The following FCRL3 variants were observed in gnomAD, a reference collection of about 807,000 sequenced individuals.
The protein encoded by FCRL3 is Fc receptor like 3, also known as Fc receptor-like protein 3.
Under a neutral mutation model 75.0 loss-of-function variants are expected in FCRL3, and 89 were observed. The ratio of observed to expected loss-of-function variants is 1.19; its 90% confidence interval spans 1.00 to 1.42. FCRL3 has a LOEUF of 1.42. Among genes scored for constraint, FCRL3 ranks in the 40% most tolerant of loss-of-function variants. The probability of loss-of-function intolerance (pLI) is 0.00; values close to 1 mark genes in which losing one functional copy is unlikely to be tolerated. For missense variants in FCRL3, 946 were observed against 880.0 expected (o/e 1.07, Z -0.95); for synonymous variants, 376 against 348.5 (o/e 1.08, Z -0.88).
rs1382855506 is a variant in FCRL3, at chr1:157,695,471, G to A, written c.1269C>T (p.Thr423=). ...ILYRFYHEDV[T]LGNSSAPSGG... ...CAGAGGGGGCTGAGCTGTTCCCCAGGGTGACATCCTCATGATAAAATCGGT... is the reference window on the plus strand; with the variant it reads ...CAGAGGGGGCTGAGCTGTTCCCCAGAGTGACATCCTCATGATAAAATCGGT... The change falls in exon 8 of 15, where the codon ACC becomes ACT. Residue 423 remains threonine, a synonymous_variant. Coordinates refer to ENST00000368184, the MANE Select transcript of FCRL3 (RefSeq NM_052939.4). 1 of 1,614,176 alleles carries A rather than the reference G, an allele frequency of 6.2e-7. No individual in the cohort carries two copies. The highest frequency in any genetic ancestry group is 2.2e-5 in the East Asian group (1 of 44,880).
At chr1:157,690,637 T>C in intron 8 of FCRL3, 104 bp from the exon 9 acceptor site, 1 of 1,403,562 alleles carries the variant, frequency 7.1e-7, no homozygotes, top group South Asian at 1.4e-5. Flanking sequence ...AACATGCACC[T>C]GGATTCTGGA....
rs1654480718 is a variant in FCRL3 at position 157,676,760 on chromosome 1, G to A, written c.*1950C>T. The A allele has an allele frequency of 6.5e-7, 1 of 1,550,294 alleles. No homozygotes were observed. The highest frequency in any genetic ancestry group is 8.7e-7 in the Non-Finnish European group (1 of 1,146,854). ...AATCTTGAACTTTGTTCTTTCTTGG[G>A]TTCAGAATCTAGAAAATGGATAAAC... On this transcript the variant is annotated 3_prime_UTR_variant, in exon 15 of 15. Coordinates refer to ENST00000368184, the MANE Select transcript of FCRL3 (RefSeq NM_052939.4).
chr1:157,690,184 T>C, intron 9 of FCRL3, 71 bp downstream of exon 9: 1 of 1,564,824 alleles, frequency 6.4e-7, no homozygotes, highest in Non-Finnish European at 8.7e-7. Context: ...CTAGTAGAAT[T>C]TGTACAATCT....
In FCRL3 at chr1:157,696,246, C is replaced by T. The variant is rs915613498; in HGVS notation, c.926G>A (p.Cys309Tyr). 1.2e-6 allele frequency: 2 copies of T among 1,614,058 alleles called. No homozygotes were observed. The highest frequency in any genetic ancestry group is 1.1e-5 in the South Asian group (1 of 91,078). The change falls in exon 7 of 15, where the codon TGC becomes TAC. Residue 309 changes from cysteine to tyrosine, a missense_variant. Transcript: ENST00000368184. ...LIEGENMVLI[C>Y]SVAQGSGTVT... is the part of the protein sequence containing the mutation. Reference sequence around the variant, plus strand: ...AGTCCCTGAACCCTGGGCTACTGAGCAAATAAGGACCATATTTTCTCCTTC... The same window carrying T: ...AGTCCCTGAACCCTGGGCTACTGAGTAAATAAGGACCATATTTTCTCCTTC...
intron 4 of FCRL3, 86 bp from the exon 5 acceptor site, chr1:157,698,005 G>A (rs1656067098): frequency 6.8e-7 from 1 of 1,462,342 alleles, no homozygotes; most frequent in Non-Finnish European, 9.1e-7. Context: ...AAGAGCCACA[G>A]TTCTATACAC....
rs1003967214 is a variant in FCRL3 at position 157,690,240 on chromosome 1, G to A, written c.1690+15C>T. 1.2e-6 allele frequency: 2 copies of A among 1,612,546 alleles called. No homozygotes were observed. The highest frequency in any genetic ancestry group is 1.3e-5 in the African/African-American group (1 of 74,878). On this transcript the variant is annotated intron_variant, in intron 9 of 14. Transcript: ENST00000368184. ...ACCATAACTGTGACCTCTAGCCCAG[G>A]TACTATTAACACACCTGTAACATTG... is the stretch of plus-strand genomic sequence containing the variant.
chr1:157,685,786 A>G (rs57240057), intron 10 of FCRL3, among the ~76,000 whole-genome samples: 13,458 of 152,142 alleles, frequency 0.088, 888 homozygotes, highest in African/African-American at 0.18. Flanking sequence ...AGAAATAAAT[A>G]TCAAGAAGAT....
At chr1:157,680,253 G>A (rs771214937) in intron 13 of FCRL3, among the ~76,000 whole-genome samples, 1 of 152,202 alleles carries the variant, frequency 6.6e-6, no homozygotes, top group Non-Finnish European at 1.5e-5. Flanking sequence ...TGGAATGGGT[G>A]TCATTGAGGG....
intron 10 of FCRL3, among the ~76,000 whole-genome samples, chr1:157,688,937 A>G (rs1173665840): frequency 6.6e-6 from 1 of 152,194 alleles, no homozygotes; most frequent in Non-Finnish European, 1.5e-5. Context: ...ATCTCAATAA[A>G]TGTAGAAAAA....
In FCRL3 at chr1:157,689,848, A is replaced by T; in HGVS notation, c.1760T>A (p.Leu587His). 1 of 1,614,164 alleles carries T rather than the reference A, an allele frequency of 6.2e-7. No homozygotes were observed. The highest frequency in any genetic ancestry group is 8.5e-7 in the Non-Finnish European group (1 of 1,180,004). The change falls in exon 10 of 15, where the codon CTT becomes CAT. Residue 587 changes from leucine (L) to histidine (H), a missense_variant. Coordinates refer to ENST00000368184, the MANE Select transcript of FCRL3 (RefSeq NM_052939.4). ...ITGLVLSILV[L>H]AAAAALLHYA... ...ATGCAGCAGAGCAGCAGCAGCAGCAAGGACGAGGATGCTGAGCACCAGCCC... is the reference window on the plus strand; with the variant it reads ...ATGCAGCAGAGCAGCAGCAGCAGCATGGACGAGGATGCTGAGCACCAGCCC...
At chr1:157,689,775 C>G (rs772655687) in intron 10 of FCRL3, 23 bp downstream of exon 10, 1 of 1,613,604 alleles carries the variant, frequency 6.2e-7, no homozygotes, top group South Asian at 1.1e-5. Context: ...AATCACATCA[C>G]AAGGTAGGAC....
In FCRL3 at chr1:157,700,763, A is replaced by G; in HGVS notation, c.-198T>C. 7.6e-7 allele frequency: 1 copy of G among 1,322,406 alleles called. No homozygotes were observed. The highest frequency in any genetic ancestry group is 9.7e-7 in the Non-Finnish European group (1 of 1,029,942). The allele number at this position is 1,322,406 out of a possible 1,614,324, so 81.9% of individuals were successfully genotyped here. On this transcript the variant is annotated 5_prime_UTR_variant, in exon 1 of 15. Coordinates refer to ENST00000368184, the MANE Select transcript of FCRL3 (RefSeq NM_052939.4). ...CAGTCTCTCAGGAGTAATGTCTCCA[A>G]GACTGTGCCTGGGTTCTCTAGAAAT...
intron 3 of FCRL3, among the ~76,000 whole-genome samples, 190 bp downstream of exon 3, chr1:157,699,502 G>T (rs1055974522): frequency 1.5e-5 from 2 of 131,734 alleles, no homozygotes; most frequent in African/African-American, 5.5e-5. Context: ...AATGTAGGGA[G>T]AAAAAAAAAA....
intron 3 of FCRL3, 32 bp downstream of exon 3, chr1:157,699,660 G>A (rs1219634317): frequency 1.9e-6 from 3 of 1,613,034 alleles, no homozygotes; most frequent in Non-Finnish European, 2.5e-6. Flanking sequence ...AATATCCAGA[G>A]ACCAGAGGGG....
chr1:157,696,930 CA>C, intron 6 of FCRL3: 1 of 398,490 alleles, frequency 2.5e-6, no homozygotes, highest in Non-Finnish European at 4.3e-6. Context: ...GTTGGGCAAT[CA>C]GTAACTGATC....
chr1:157,699,185 T>C (rs1656153100), intron 3 of FCRL3, among the ~76,000 whole-genome samples: 1 of 152,194 alleles, frequency 6.6e-6, no homozygotes, highest in Admixed American at 6.5e-5. Context: ...AGAATTTAAA[T>C]GGAGGAGGAT....
At chr1:157,699,932 C>T (rs943039703) in intron 2 of FCRL3, among the ~76,000 whole-genome samples, 17 of 152,190 alleles carry the variant, frequency 1.1e-4, no homozygotes, top group African/African-American at 3.6e-4. Context: ...TACTTGGCCA[C>T]GGCACACTTT....
chr1:157,683,222 T>C lies in FCRL3; in HGVS notation c.1833A>G (p.Thr611=), dbSNP rs1444795725. The change falls in exon 11 of 15, where the codon ACA becomes ACG. Residue 611 remains threonine (T), a synonymous_variant. Transcript: ENST00000368184. ...ACAAGAAGCAGAGACCTCACCTAGA[T>C]GTTCCAGTGGCAGAAAGTCCTCCTG... ...RKPGGLSATG[T]SSHSPSECQE... The C allele has an allele frequency of 6.2e-7, 1 of 1,613,492 alleles. No homozygotes were observed. Among genetic ancestry groups the C allele is most frequent in the East Asian group, 2.2e-5 (1 of 44,858 alleles).
intron 8 of FCRL3, 57 bp from the exon 9 acceptor site, chr1:157,690,590 C>G: frequency 1.3e-6 from 2 of 1,586,612 alleles, no homozygotes; most frequent in Non-Finnish European, 1.7e-6. Flanking sequence ...TACAAGAGAA[C>G]TTAATAAAGG....
Sources: gnomAD v4.1 joint callset for allele counts (sites outside exome capture counted in the v4.1 genomes callset) on GRCh38, gnomAD v4.1.1 for gene constraint, MANE v1.5 for transcripts, NCBI Gene and HGNC (gene_info 2026-07-23, HGNC 2026-07-21) for gene names.